The following PROC variants were observed in gnomAD, a reference collection of about 807,000 sequenced individuals.
PROC encodes the protein vitamin K-dependent protein C.
A neutral mutation model predicts 36.3 loss-of-function variants in PROC; 22 were observed. The observed-to-expected ratio is 0.61, with a 90% CI of 0.43 to 0.86. The LOEUF (loss-of-function observed/expected upper bound fraction) is 0.86. Ranked by LOEUF, PROC falls within the 40% of genes least tolerant of loss-of-function variation. PROC has a pLI of 0.00. For missense variants in PROC, 526 were observed against 629.7 expected (o/e 0.84, Z 1.76); for synonymous variants, 218 against 244.5 (o/e 0.89, Z 1.01).
In PROC at chr2:127,423,135, T is replaced by C; in HGVS notation, c.364T>C (p.Cys122Arg). Residue 122 changes from cysteine (C) to arginine (R), a missense_variant, in exon 5 of 9, where the codon TGC becomes CGC. Coordinates refer to ENST00000234071, the MANE Select transcript of PROC (RefSeq NM_000312.4). ...IDGIGSFSCD[C>R]RSGWEGRFCQ... ...CGGCATCGGCAGCTTCAGCTGCGAC[T>C]GCCGCAGCGGCTGGGAGGGCCGCTT... 2 of 1,603,606 alleles carry C rather than the reference T, an allele frequency of 1.2e-6. No individual in the cohort carries two copies. The highest frequency in any genetic ancestry group is 1.7e-6 in the Non-Finnish European group (2 of 1,175,006).
In PROC at chr2:127,428,724, G is replaced by A. The variant is rs373028935; in HGVS notation, c.1164G>A (p.Ala388=). ...TGGTGTCTGAGAACATGCTGTGTGCGGGCATCCTCGGGGACCGGCAGGATG... is the reference window on the plus strand; with the variant it reads ...TGGTGTCTGAGAACATGCTGTGTGCAGGCATCCTCGGGGACCGGCAGGATG... ...SNMVSENMLC[A]GILGDRQDAC... Residue 388 remains alanine (A), a synonymous_variant, in exon 9 of 9, where the codon GCG becomes GCA. Transcript: ENST00000234071. The A allele has an allele frequency of 4.3e-5, 70 of 1,613,650 alleles. No homozygotes were observed. In the South Asian group the frequency reaches 5.6e-4, roughly 13 times the overall value.
intron 6 of PROC, among the ~76,000 whole-genome samples, chr2:127,424,788 C>T (rs977788306): frequency 1.3e-5 from 2 of 152,216 alleles, no homozygotes; most frequent in Non-Finnish European, 2.9e-5. Flanking sequence ...CTGTGGGTTT[C>T]CTGCAAGGCC....
Position 127,419,929 on chromosome 2 carries a change from C to T in PROC, c.-14C>T. On this transcript the variant is annotated 5_prime_UTR_variant, in exon 2 of 9. Coordinates refer to ENST00000234071, the MANE Select transcript of PROC (RefSeq NM_000312.4). ...CTCAGAAGTCCTCCTCAGACAGGTGCCAGTGCCTCCAGAATGTGGCAGCTC... is the reference window on the plus strand; with the variant it reads ...CTCAGAAGTCCTCCTCAGACAGGTGTCAGTGCCTCCAGAATGTGGCAGCTC... The T allele has an allele frequency of 6.2e-7, 1 of 1,613,976 alleles. No homozygotes were observed. The highest frequency in any genetic ancestry group is 8.5e-7 in the Non-Finnish European group (1 of 1,180,010).
Position 127,428,479 on chromosome 2 carries a change from CA to C in PROC, c.920del (p.Gln307ArgfsTer9). The C allele has an allele frequency of 6.2e-7, 1 of 1,614,176 alleles. No homozygotes were observed. Among genetic ancestry groups the C allele is most frequent in the East Asian group, 2.2e-5 (1 of 44,884 alleles). The part of the protein sequence containing the change: ...DNDIALLHLA[Q>X]PATLSQTIVP... ...TGACATCGCACTGCTGCACCTGGCC[CA>C]GCCCGCCACCCTCTCGCAGACCATA... On this transcript the variant is annotated frameshift_variant, in exon 9 of 9. Coordinates refer to ENST00000234071, the MANE Select transcript of PROC (RefSeq NM_000312.4). LOFTEE classifies it low-confidence loss of function (END_TRUNC).
At chr2:127,419,802 C>T in intron 1 of PROC, 120 bp from the exon 2 acceptor site, 2 of 1,558,700 alleles carry the variant, frequency 1.3e-6, no homozygotes, top group Non-Finnish European at 8.7e-7. Context: ...ACCCTCAATC[C>T]CAGCTTCCGC....
chr2:127,422,226 C>T lies in PROC; in HGVS notation c.238-691C>T, dbSNP rs565816113. Among the ~76,000 whole-genome samples, 37 of 152,330 alleles carry T rather than the reference C, an allele frequency of 2.4e-4. No individual in the cohort carries two copies. The South Asian group carries it at 7.5e-3, about 31-fold the overall frequency. On this transcript the variant is annotated intron_variant, in intron 3 of 8. Transcript: ENST00000234071. The stretch of plus-strand genomic sequence containing the variant: ...TGGACCCCCATCTGGACCTCCATCC[C>T]CACCACCTCTTTCCCCAGTGGCCTC...
chr2:127,427,295 TGG>T (rs1487287208), intron 8 of PROC, 73 bp downstream of exon 8: 4 of 1,369,594 alleles, frequency 2.9e-6, no homozygotes, highest in Non-Finnish European at 4.1e-6. Flanking sequence ...TGTTCAGGTT[TGG>T]GGGACCCCGC....
chr2:127,423,887 C>A (rs2104958510), intron 6 of PROC, among the ~76,000 whole-genome samples: 1 of 152,352 alleles, frequency 6.6e-6, no homozygotes, highest in South Asian at 2.1e-4. Context: ...CCTTTTTATG[C>A]ATTTTAATCA....
In PROC at chr2:127,421,346, C is replaced by T; in HGVS notation, c.134C>T (p.Ser45Phe). Reference sequence around the variant, plus strand: ...CTGCGGATCCGCAAACGTGCCAACTCCTTCCTGGAGGAGCTCCGTCACAGC... The same window carrying T: ...CTGCGGATCCGCAAACGTGCCAACTTCTTCCTGGAGGAGCTCCGTCACAGC... ...QVLRIRKRANSFLEELRHSSL... is the reference protein window; with the variant it reads ...QVLRIRKRANFFLEELRHSSL... The change falls in exon 3 of 9, where the codon TCC becomes TTC. Residue 45 changes from serine (S) to phenylalanine (F), a missense_variant. By Grantham distance (155) the Ser-to-Phe change is radical. Coordinates refer to ENST00000234071, the MANE Select transcript of PROC (RefSeq NM_000312.4). 1 of 1,613,942 alleles carries T rather than the reference C, an allele frequency of 6.2e-7. No homozygotes were observed. Among genetic ancestry groups the T allele is most frequent in the Non-Finnish European group, 8.5e-7 (1 of 1,179,942 alleles).
At chr2:127,425,253 A>T (rs1688413530) in intron 6 of PROC, among the ~76,000 whole-genome samples, 1 of 152,148 alleles carries the variant, frequency 6.6e-6, no homozygotes, top group Non-Finnish European at 1.5e-5. Flanking sequence ...CTGCCAAGTC[A>T]GTTACTGTGT....
Position 127,427,110 on chromosome 2 carries a change from C to T in PROC, c.684C>T (p.Val228=). 1.2e-6 allele frequency: 2 copies of T among 1,613,782 alleles called. No homozygotes were observed. The highest frequency in any genetic ancestry group is 1.1e-5 in the South Asian group (1 of 91,048). The change falls in exon 8 of 9, where the codon GTC becomes GTT. Residue 228 remains valine (V), a synonymous_variant. Transcript: ENST00000234071. ...TRRGDSPWQV[V]LLDSKKKLAC... ...ATCATCCCACCCCATTCCAGGTGGT[C>T]CTGCTGGACTCAAAGAAGAAGCTGG...
At chr2:127,422,545 C>T (rs531689681) in intron 3 of PROC, among the ~76,000 whole-genome samples, 2 of 152,390 alleles carry the variant, frequency 1.3e-5, no homozygotes, top group East Asian at 3.9e-4. Context: ...TCAGGGGTCC[C>T]CCAAAGCCCG....
At position 127,426,205 on chromosome 2, in the gene PROC, G is replaced by C; in HGVS notation, c.656G>C (p.Arg219Thr). The part of the protein sequence containing the change: ...DPRLIDGKMT[R>T]RGDSPWQVVL... ...CGGCTCATTGATGGGAAGATGACCA[G>C]GCGGGGAGACAGCCCCTGGCAGGTG... is the stretch of plus-strand genomic sequence containing the variant. The change falls in exon 7 of 9, where the codon AGG becomes ACG. Residue 219 changes from arginine (R) to threonine (T), a missense_variant. Arg to Thr is a moderately conservative substitution (Grantham distance 71, BLOSUM62 -1). Transcript: ENST00000234071. The surrounding 1 kb of genome is among the most constrained non-coding windows in gnomAD (Gnocchi z 7.0). 1 of 1,614,120 alleles carries C rather than the reference G, an allele frequency of 6.2e-7. No individual in the cohort carries two copies.
rs886054849 is a variant in PROC at position 127,429,166 on chromosome 2, G to C, written c.*220G>C. 1 of 596,698 alleles carries C rather than the reference G, an allele frequency of 1.7e-6. No homozygotes were observed. Among genetic ancestry groups the C allele is most frequent in the Non-Finnish European group, 3.0e-6 (1 of 338,324 alleles). The allele number at this position is 596,698 out of a possible 1,614,324, so 37.0% of individuals were successfully genotyped here. On this transcript the variant is annotated 3_prime_UTR_variant, in exon 9 of 9. Coordinates refer to ENST00000234071, the MANE Select transcript of PROC (RefSeq NM_000312.4). Reference sequence around the variant, plus strand: ...GTGGGGTGGGGAGGAGCAGATCCAAGTTTTGCGGGGTCTAAAGCTGTGTGT... The same window carrying C: ...GTGGGGTGGGGAGGAGCAGATCCAACTTTTGCGGGGTCTAAAGCTGTGTGT...
At chr2:127,428,220 G>T in intron 8 of PROC, 137 bp from the exon 9 acceptor site, 6 of 832,956 alleles carry the variant, frequency 7.2e-6, no homozygotes, top group Non-Finnish European at 1.2e-5. Flanking sequence ...GGACGTGTGG[G>T]TGCACAGTCT....
chr2:127,420,130 C>T (rs1283479540), intron 2 of PROC, 118 bp downstream of exon 2: 11 of 1,207,448 alleles, frequency 9.1e-6, no homozygotes, highest in Non-Finnish European at 1.3e-5. Flanking sequence ...AGGTGAGGGG[C>T]AGATGGGAAT....
intron 3 of PROC, among the ~76,000 whole-genome samples, chr2:127,422,438 G>A (rs1008018608): frequency 1.3e-5 from 2 of 152,216 alleles, no homozygotes; most frequent in Non-Finnish European, 2.9e-5. Context: ...AGCAGCAGCC[G>A]CCGCAGCAGC....
rs993391573 is a variant in PROC, at chr2:127,418,612, T to C, written c.-22+120T>C. On this transcript the variant is annotated intron_variant, in intron 1 of 8. Coordinates refer to ENST00000234071, the MANE Select transcript of PROC (RefSeq NM_000312.4). This position sits in a 1 kb window ranked among gnomAD's most constrained non-coding sequence, Gnocchi z 4.8. Reference sequence around the variant, plus strand: ...GCCAGGGTGCTCAACAAGCCTGAGCTTGGGGTGAAAGGACACAAGGCCCTC... The same window carrying C: ...GCCAGGGTGCTCAACAAGCCTGAGCCTGGGGTGAAAGGACACAAGGCCCTC... 6 of 961,918 alleles carry C rather than the reference T, an allele frequency of 6.2e-6. No individual in the cohort carries two copies. Among genetic ancestry groups the C allele is most frequent in the Non-Finnish European group, 8.6e-6 (6 of 698,392 alleles). 59.6% of individuals were successfully genotyped at this position (961,918 alleles called of 1,614,324 possible).
At chr2:127,423,245 C>T (rs1448030379) in intron 5 of PROC, 29 bp from the exon 6 acceptor site, 5 of 1,538,418 alleles carry the variant, frequency 3.3e-6, no homozygotes, top group Non-Finnish European at 4.4e-6. Context: ...GCACCAGCAC[C>T]AGCTGCCCGC....
Sources: allele counts gnomAD v4.1 joint callset (sites outside exome capture counted in the v4.1 genomes callset), GRCh38; gene constraint gnomAD v4.1.1; non-coding constraint Gnocchi (gnomAD v3.1); transcripts MANE v1.5; gene names NCBI Gene and HGNC (gene_info 2026-07-23, HGNC 2026-07-21).